Variants in TESMIN observed in about 807,000 individuals in gnomAD.
TESMIN encodes the protein testis expressed metallothionein like protein.
TESMIN carries 34 observed loss-of-function variants against 47.4 expected under a neutral mutation model. That is an observed-to-expected ratio of 0.72 (90% CI 0.55 to 0.96). TESMIN has a LOEUF of 0.96. Ranked by LOEUF, TESMIN falls within the 40% of genes least tolerant of loss-of-function variation. TESMIN has a pLI of 0.00. For missense variants in TESMIN, 610 were observed against 637.2 expected (o/e 0.96, Z 0.46); for synonymous variants, 278 against 258.9 (o/e 1.07, Z -0.71).
chr11:68,741,417 T>G (rs1021940656), intron 5 of TESMIN, among the ~76,000 whole-genome samples: 3 of 150,414 alleles, frequency 2.0e-5, no homozygotes, highest in African/African-American at 7.3e-5. Context: ...GATCACCTTT[T>G]TTAAACCTGC....
At chr11:68,721,778 A>C (rs1219823133) in intron 6 of TESMIN, among the ~76,000 whole-genome samples, 1 of 152,172 alleles carries the variant, frequency 6.6e-6, no homozygotes, top group African/African-American at 2.4e-5. Flanking sequence ...AACTTCCTCC[A>C]CTTTGCCATT....
chr11:68,728,661 C>T (rs143898743), intron 6 of TESMIN, among the ~76,000 whole-genome samples: 13 of 152,328 alleles, frequency 8.5e-5, no homozygotes, highest in South Asian at 4.1e-4. Context: ...CTGGCTTCAA[C>T]GCCTCAAAGG....
intron 6 of TESMIN, among the ~76,000 whole-genome samples, chr11:68,730,848 G>T (rs892690620): frequency 6.0e-5 from 9 of 149,544 alleles, no homozygotes; most frequent in Non-Finnish European, 1.3e-4. Flanking sequence ...CAATAAAATA[G>T]AAAGCATTTA....
chr11:68,730,445 A>G (rs1315741177), intron 6 of TESMIN, among the ~76,000 whole-genome samples: 1 of 152,262 alleles, frequency 6.6e-6, no homozygotes, highest in Non-Finnish European at 1.5e-5. Flanking sequence ...TTTAACATAT[A>G]CAAAAATGAT....
intron 6 of TESMIN, among the ~76,000 whole-genome samples, chr11:68,721,999 G>T (rs1946209215): frequency 6.6e-6 from 1 of 152,132 alleles, no homozygotes; most frequent in Non-Finnish European, 1.5e-5. Flanking sequence ...TGAAAGCAGG[G>T]ACTCAACCAG....
intron 6 of TESMIN, chr11:68,738,298 G>T: frequency 1.0e-6 from 1 of 1,002,838 alleles, no homozygotes; most frequent in Non-Finnish European, 1.2e-6. Context: ...GCAGCTGGAG[G>T]GCACTCTGCA....
chr11:68,738,948 G>C (rs1002517260), intron 5 of TESMIN, 160 bp from the exon 6 acceptor site: 1 of 627,416 alleles, frequency 1.6e-6, no homozygotes, highest in Non-Finnish European at 2.7e-6. Flanking sequence ...GGAATCCACT[G>C]ACATTCGGAA....
At chr11:68,736,490 TTC>T in intron 6 of TESMIN, 2 of 985,388 alleles carry the variant, frequency 2.0e-6, no homozygotes, top group Non-Finnish European at 2.4e-6. Flanking sequence ...CAGCAAAACG[TTC>T]TCTGACTGCT....
rs202201653 is a variant in TESMIN at position 68,715,823 on chromosome 11, T to A, written c.1020+14A>T. On this transcript the variant is annotated intron_variant, in intron 7 of 9. Coordinates refer to ENST00000255087, the MANE Select transcript of TESMIN (RefSeq NM_004923.3). ...ATGCTTTTAAAATGCATACATTTAA[T>A]GGACATTTATTACCTTAATGGCTTT... The A allele has an allele frequency of 4.5e-5, 68 of 1,522,264 alleles. No homozygotes were observed. The East Asian group carries it at 1.5e-3, about 33-fold the overall frequency. The allele number at this position is 1,522,264 out of a possible 1,614,324, so 94.3% of individuals were successfully genotyped here.
At chr11:68,716,249 C>T (rs559721704) in intron 6 of TESMIN, among the ~76,000 whole-genome samples, 5 of 152,342 alleles carry the variant, frequency 3.3e-5, no homozygotes, top group South Asian at 2.1e-4. Context: ...AATTGCCCTC[C>T]GCCATTTTCC....
chr11:68,708,127 C>T lies in TESMIN; in HGVS notation c.*181G>A, dbSNP rs1289098206. 2 of 607,332 alleles carry T rather than the reference C, an allele frequency of 3.3e-6. No homozygotes were observed. The highest frequency in any genetic ancestry group is 5.6e-5 in the East Asian group (2 of 35,630). 37.6% of individuals were successfully genotyped at this position (607,332 alleles called of 1,614,324 possible). ...AAACAATGCTCAGGCCATGCACCTC[C>T]TCAGAAAAGGGGGCATGGGTTGCCA... is the stretch of plus-strand genomic sequence containing the variant. On this transcript the variant is annotated 3_prime_UTR_variant, in exon 10 of 10. Transcript: ENST00000255087.
rs776754040 is a variant in TESMIN at position 68,737,564 on chromosome 11, G to A, written c.917+1136C>T. 1,430 of 985,630 alleles carry A rather than the reference G, an allele frequency of 1.5e-3. 4 individuals are homozygous for A. Among genetic ancestry groups the A allele is most frequent in the Non-Finnish European group, 1.7e-3 (1,370 of 830,070 alleles). The allele number at this position is 985,630 out of a possible 1,614,324, so 61.1% of individuals were successfully genotyped here. On this transcript the variant is annotated intron_variant, in intron 6 of 9. Coordinates refer to ENST00000255087, the MANE Select transcript of TESMIN (RefSeq NM_004923.3). The stretch of plus-strand genomic sequence containing the variant: ...GGAGGCTGCGGGCTGTATCCTGTAA[G>A]GTGTTTGACTGCTGTCTCTCAGGCC...
intron 1 of TESMIN, among the ~76,000 whole-genome samples, chr11:68,750,949 GGTGAGGGGCGGCCA>G (rs1946595510): frequency 7.7e-6 from 1 of 129,818 alleles, no homozygotes; most frequent in African/African-American, 3.0e-5. Flanking sequence ...GGGGCGGCCA[GGTGAGGGGCGGCCA>G]GGTGAGGAGC....
chr11:68,745,077 A>G lies in TESMIN; in HGVS notation c.665T>C (p.Leu222Pro). ...ICQLKGGTQMLCIDNSRTREL... is the reference protein window; with the variant it reads ...ICQLKGGTQMPCIDNSRTREL... ...TCTTGTTCTAGAATTGTCTATACAT[A>G]GCATTTGTGTGCCCCCTTTCAATTG... The change falls in exon 4 of 10, where the codon CTA (leucine) becomes CCA (proline). Residue 222 changes from leucine (L) to proline (P), a missense_variant. By Grantham distance (98) the Leu-to-Pro change is moderately conservative. Transcript: ENST00000255087. 1 of 1,588,204 alleles carries G rather than the reference A, an allele frequency of 6.3e-7. No individual in the cohort carries two copies. The highest frequency in any genetic ancestry group is 8.5e-7 in the Non-Finnish European group (1 of 1,173,776).
rs770107740 is a variant in TESMIN at position 68,750,307 on chromosome 11, G to A, written c.354C>T (p.Pro118=). ...DVALLQAPQP[P]ACNVHFLSSL... is the part of the protein sequence containing the mutation. ...AGGACAGGAAGTGCACGTTGCAGGC[G>A]GGCGGCTGCGGGGCCTGCAGGAGCG... The change falls in exon 2 of 10, where the codon CCC becomes CCT. Residue 118 remains proline, a synonymous_variant. Transcript: ENST00000255087. 3.3e-6 allele frequency: 5 copies of A among 1,524,890 alleles called. No homozygotes were observed. Among genetic ancestry groups the A allele is most frequent in the South Asian group, 1.3e-5 (1 of 79,420 alleles). 94.5% of individuals were successfully genotyped at this position (1,524,890 alleles called of 1,614,324 possible).
intron 7 of TESMIN, among the ~76,000 whole-genome samples, chr11:68,715,184 C>A (rs984846515): frequency 6.6e-6 from 1 of 152,162 alleles, no homozygotes; most frequent in Non-Finnish European, 1.5e-5. Flanking sequence ...GAGTGGGCAC[C>A]GGAAGTGTCT....
In TESMIN at chr11:68,737,839, G is replaced by C. The variant is rs59683116; in HGVS notation, c.917+861C>G. 9,024 of 822,616 alleles carry C rather than the reference G, an allele frequency of 0.011. 651 individuals are homozygous for C. The African/African-American group carries it at 0.15, about 14-fold the overall frequency. 51.0% of individuals were successfully genotyped at this position (822,616 alleles called of 1,614,324 possible). The stretch of plus-strand genomic sequence containing the variant: ...GAGGAAGGAGAATTGCTTGAACCCA[G>C]GAGGCGGAGGTTGCAGTGAGCAGAG... On this transcript the variant is annotated intron_variant, in intron 6 of 9. Coordinates refer to ENST00000255087, the MANE Select transcript of TESMIN (RefSeq NM_004923.3).
chr11:68,722,174 A>T (rs1946210942), intron 6 of TESMIN, among the ~76,000 whole-genome samples: 1 of 152,244 alleles, frequency 6.6e-6, no homozygotes, highest in Non-Finnish European at 1.5e-5. Context: ...GCCAGATACA[A>T]AGGGACAGAT....
chr11:68,723,948 G>A (rs997579282), intron 6 of TESMIN, among the ~76,000 whole-genome samples: 2 of 152,082 alleles, frequency 1.3e-5, no homozygotes, highest in Non-Finnish European at 2.9e-5. Context: ...TTTTTCAAAC[G>A]TTCAATGAAC....
Sources: allele counts gnomAD v4.1 joint callset (sites outside exome capture counted in the v4.1 genomes callset), GRCh38; gene constraint gnomAD v4.1.1; transcripts MANE v1.5; gene names NCBI Gene and HGNC (gene_info 2026-07-23, HGNC 2026-07-21).